CD44: variants seen among roughly 807,000 people sequenced by gnomAD.
CD44 encodes CD44 molecule (IN blood group), also known as CD44 antigen.
CD44 carries 49 observed loss-of-function variants against 88.8 expected under a neutral mutation model. The ratio of observed to expected loss-of-function variants is 0.55; its 90% CI spans 0.44 to 0.70. The LOEUF is 0.70. Ranked by LOEUF, CD44 falls within the 30% of genes least tolerant of loss-of-function variation. CD44 has a pLI of 0.00. For synonymous variants in CD44, 325 were observed against 312.3 expected, an observed-to-expected ratio of 1.04 and a Z score of -0.43; for missense variants, 883 against 913.8, an observed-to-expected ratio of 0.97 and a Z score of 0.43.
intron 1 of CD44, among the ~76,000 whole-genome samples, chr11:35,157,689 G>A (rs1942083065): frequency 6.6e-6 from 1 of 152,126 alleles, no homozygotes; most frequent in South Asian, 2.1e-4. Context: ...TGCTTCCTTG[G>A]CTGGCATCAT....
chr11:35,223,514 C>T (rs1409877685), intron 17 of CD44, among the ~76,000 whole-genome samples: 2 of 152,230 alleles, frequency 1.3e-5, no homozygotes, highest in South Asian at 2.1e-4. Flanking sequence ...CTGGGTATCT[C>T]CCCCATCGTC....
intron 5 of CD44, among the ~76,000 whole-genome samples, chr11:35,196,044 A>G (rs1320357901): frequency 6.6e-6 from 1 of 152,090 alleles, no homozygotes; most frequent in Non-Finnish European, 1.5e-5. Context: ...ATTCTTGGAG[A>G]ATGATATTGG....
Position 35,221,855 on chromosome 11 carries a change from G to A in CD44, c.2024+123G>A, listed in dbSNP as rs543415151. The stretch of plus-strand genomic sequence containing the variant: ...AGCCTGGGTACCCTGGGAGTTTGTT[G>A]GAAATGCACAATCTCAGACCCAACC... On this transcript the variant is annotated intron_variant, in intron 17 of 17. Coordinates refer to ENST00000428726, the MANE Select transcript of CD44 (RefSeq NM_000610.4). The A allele has an allele frequency of 6.7e-5, 58 of 865,814 alleles. No homozygotes were observed. In the East Asian group the frequency reaches 1.3e-3, roughly 20 times the overall value. 53.6% of individuals were successfully genotyped at this position (865,814 alleles called of 1,614,324 possible).
intron 1 of CD44, among the ~76,000 whole-genome samples, chr11:35,169,602 G>T (rs1943657740): frequency 6.6e-6 from 1 of 152,098 alleles, no homozygotes; most frequent in African/African-American, 2.4e-5. Flanking sequence ...TGGCAACTTG[G>T]GTGAAAATTA....
intron 2 of CD44, among the ~76,000 whole-genome samples, chr11:35,177,765 T>C (rs1160954055): frequency 6.6e-6 from 1 of 152,240 alleles, no homozygotes; most frequent in African/African-American, 2.4e-5. Flanking sequence ...TGCCTAAAAT[T>C]GCCCTGTCTG....
intron 17 of CD44, among the ~76,000 whole-genome samples, chr11:35,228,805 A>G (rs572184690): frequency 2.0e-5 from 3 of 152,344 alleles, no homozygotes; most frequent in Admixed American, 6.5e-5. Context: ...GAGAAGCCAC[A>G]GATCCTGGGC....
At chr11:35,153,325 G>A (rs749829585) in intron 1 of CD44, among the ~76,000 whole-genome samples, 6 of 152,186 alleles carry the variant, frequency 3.9e-5, no homozygotes, top group South Asian at 2.1e-4. Flanking sequence ...GGGAAATGGC[G>A]TAGGTGTTTA....
intron 4 of CD44, among the ~76,000 whole-genome samples, chr11:35,188,078 C>T (rs760078099): frequency 6.6e-5 from 10 of 152,336 alleles, no homozygotes; most frequent in East Asian, 3.9e-4. Flanking sequence ...CCTGATCTTA[C>T]GGCCTCTGAG....
chr11:35,152,347 A>C (rs1483936049), intron 1 of CD44, among the ~76,000 whole-genome samples: 3 of 152,216 alleles, frequency 2.0e-5, no homozygotes, highest in African/African-American at 7.2e-5. Context: ...AGATAGAACC[A>C]AGGTATAAAC....
intron 17 of CD44, chr11:35,222,683 A>G: frequency 1.1e-6 from 1 of 911,604 alleles, no homozygotes; most frequent in African/African-American, 1.8e-5. Context: ...ACAGGGGTAT[A>G]AATCTAAATT....
intron 11 of CD44, among the ~76,000 whole-genome samples, chr11:35,207,067 G>A (rs1340434988): frequency 1.3e-5 from 2 of 152,244 alleles, no homozygotes; most frequent in East Asian, 1.9e-4. Context: ...ATGAACAAGA[G>A]TCTAGAGCCC....
intron 14 of CD44, among the ~76,000 whole-genome samples, chr11:35,214,486 T>C (rs1374421748): frequency 6.6e-6 from 1 of 152,226 alleles, no homozygotes; most frequent in Non-Finnish European, 1.5e-5. Flanking sequence ...AAATGTACAA[T>C]GTCTAGTCTC....
chr11:35,214,841 G>A lies in CD44; in HGVS notation c.1811-11G>A. 2.6e-6 allele frequency: 4 copies of A among 1,510,070 alleles called. No individual in the cohort carries two copies. Among genetic ancestry groups the A allele is most frequent in the Non-Finnish European group, 3.6e-6 (4 of 1,122,960 alleles). 93.5% of individuals were successfully genotyped at this position (1,510,070 alleles called of 1,614,324 possible). On this transcript the variant is annotated splice_polypyrimidine_tract_variant and intron_variant, in intron 14 of 17. Coordinates refer to ENST00000428726, the MANE Select transcript of CD44 (RefSeq NM_000610.4). Reference sequence around the variant, plus strand: ...ACATGCAGTACTGACCTTCCTGATTGCTCATTACAGGAGACCAAGACACAT... The same window carrying A: ...ACATGCAGTACTGACCTTCCTGATTACTCATTACAGGAGACCAAGACACAT...
chr11:35,199,864 G>A (rs759096508), intron 7 of CD44, among the ~76,000 whole-genome samples: 1 of 150,656 alleles, frequency 6.6e-6, no homozygotes. Context: ...CCCTTGGGTG[G>A]TAACCCAAAC....
chr11:35,222,622 T>A, intron 17 of CD44: 1 of 612,836 alleles, frequency 1.6e-6, no homozygotes, highest in Non-Finnish European at 2.0e-6. Context: ...TATATACACA[T>A]ACATTATATA....
In CD44 at chr11:35,176,696, G is replaced by A. The variant is rs768073670; in HGVS notation, c.189G>A (p.Met63Ile). 3 of 1,614,106 alleles carry A rather than the reference G, an allele frequency of 1.9e-6. No individual in the cohort carries two copies. In the Admixed American group the frequency reaches 5.0e-5, roughly 27 times the overall value. The part of the protein sequence containing the change: ...CKAFNSTLPT[M>I]AQMEKALSIG... ...CTTTCAATAGCACCTTGCCCACAATGGCCCAGATGGAGAAAGCTCTGAGCA... is the reference window on the plus strand; with the variant it reads ...CTTTCAATAGCACCTTGCCCACAATAGCCCAGATGGAGAAAGCTCTGAGCA... The change falls in exon 2 of 18, where the codon ATG (methionine) becomes ATA (isoleucine). Residue 63 changes from methionine to isoleucine, a missense_variant. Coordinates refer to ENST00000428726, the MANE Select transcript of CD44 (RefSeq NM_000610.4).
intron 3 of CD44, among the ~76,000 whole-genome samples, chr11:35,184,090 G>A (rs931673614): frequency 1.3e-5 from 2 of 152,124 alleles, no homozygotes; most frequent in African/African-American, 4.8e-5. Flanking sequence ...CACCTCACCA[G>A]GTCTAGCTTT....
chr11:35,180,164 AGGG>A, intron 2 of CD44, 107 bp from the exon 3 acceptor site: 1 of 1,075,354 alleles, frequency 9.3e-7, no homozygotes, highest in East Asian at 2.4e-5. Context: ...CGATATCCCT[AGGG>A]GTGAACTGAA....
intron 1 of CD44, among the ~76,000 whole-genome samples, chr11:35,152,912 C>A (rs560695455): frequency 6.6e-6 from 1 of 152,158 alleles, no homozygotes; most frequent in Admixed American, 6.5e-5. Flanking sequence ...CTAGTGCTGA[C>A]GGGACAGCTT....
Sources: allele counts gnomAD v4.1 joint callset (sites outside exome capture counted in the v4.1 genomes callset), GRCh38; gene constraint gnomAD v4.1.1; transcripts MANE v1.5; gene names NCBI Gene and HGNC (gene_info 2026-07-23, HGNC 2026-07-21).